The following TMEM217 variants were observed in gnomAD, a reference collection of about 807,000 sequenced individuals.
TMEM217 encodes transmembrane protein 217, also known as chromosome 6 open reading frame 128.
For missense variants in TMEM217, 204 were observed against 248.8 expected, an observed-to-expected ratio of 0.82 and a Z score of 1.21; for synonymous variants, 76 against 88.3, an observed-to-expected ratio of 0.86 and a Z score of 0.78.
downstream of TMEM217, among the ~76,000 whole-genome samples, chr6:37,215,463 G>A (rs1763134177): frequency 6.6e-6 from 1 of 150,874 alleles, no homozygotes; most frequent in South Asian, 2.1e-4. Flanking sequence ...CTACCTGGGA[G>A]GCTGAGGCAG....
At chr6:37,245,482 T>G (rs919889294) in intron 1 of TMEM217, among the ~76,000 whole-genome samples, 1 of 152,252 alleles carries the variant, frequency 6.6e-6, no homozygotes, top group Non-Finnish European at 1.5e-5. Context: ...GTGCATTTTA[T>G]TAGCAGAGCC....
At chr6:37,253,447 C>G (rs1765560924) in intron 1 of TMEM217, among the ~76,000 whole-genome samples, 1 of 152,180 alleles carries the variant, frequency 6.6e-6, no homozygotes, top group Non-Finnish European at 1.5e-5. Flanking sequence ...TCTCTTTATT[C>G]CTATAACCTC....
chr6:37,257,619 T>C, exon 1 of TMEM217: 1 of 425,484 alleles, frequency 2.4e-6, no homozygotes, highest in East Asian at 4.3e-5. Context: ...TCTCGGCTCG[T>C]CCAAGCTCCG....
chr6:37,252,374 G>C (rs912572076), intron 1 of TMEM217, among the ~76,000 whole-genome samples: 37 of 152,084 alleles, frequency 2.4e-4, no homozygotes, highest in African/African-American at 7.7e-4. Flanking sequence ...AGCTGCAAGA[G>C]AGACCATATG....
intron 1 of TMEM217, among the ~76,000 whole-genome samples, chr6:37,241,310 C>T (rs1364072881): frequency 1.6e-4 from 24 of 150,580 alleles, no homozygotes; most frequent in Non-Finnish European, 1.5e-5. Context: ...TACTCTTTGT[C>T]AAAGAAAAAA....
chr6:37,218,643 A>G (rs1562001616), exon 2 of TMEM217: 1 of 1,614,178 alleles, frequency 6.2e-7, no homozygotes, highest in South Asian at 1.1e-5. Context: ...ACCAAGCCAA[A>G]CCAGCGCATG....
downstream of TMEM217, chr6:37,212,966 T>G (rs1176437244): frequency 1.9e-6 from 3 of 1,548,456 alleles, no homozygotes; most frequent in African/African-American, 4.1e-5. Flanking sequence ...ATCCTGACAT[T>G]CATTTTATAC....
chr6:37,225,216 A>T (rs1468654381), intron 1 of TMEM217, among the ~76,000 whole-genome samples: 1 of 152,056 alleles, frequency 6.6e-6, no homozygotes, highest in East Asian at 1.9e-4. Context: ...AGAAAAAAAA[A>T]TTACCAAAAG....
downstream of TMEM217, among the ~76,000 whole-genome samples, chr6:37,215,994 GGT>G (rs60725183): frequency 7.8e-3 from 1,159 of 149,130 alleles, 11 homozygotes; most frequent in East Asian, 0.025. Flanking sequence ...GGTTCTTCAG[GGT>G]GTGTGTGTGT....
intron 1 of TMEM217, among the ~76,000 whole-genome samples, chr6:37,254,820 A>C (rs1444697997): frequency 6.6e-6 from 1 of 152,126 alleles, no homozygotes; most frequent in Non-Finnish European, 1.5e-5. Flanking sequence ...CCTTTTTGGC[A>C]CCTGGGACCA....
intron 1 of TMEM217, among the ~76,000 whole-genome samples, chr6:37,231,733 T>C (rs1185840536): frequency 6.8e-6 from 1 of 147,484 alleles, no homozygotes; most frequent in East Asian, 2.0e-4. Flanking sequence ...ATCTTTTATA[T>C]ATATATTATA....
At chr6:37,213,102 T>G, downstream of TMEM217, 1 of 777,740 alleles carries the variant, frequency 1.3e-6, no homozygotes, top group Non-Finnish European at 2.1e-6. Flanking sequence ...GCAATGATGG[T>G]GTGTGGACAG....
At chr6:37,217,944 AACT>A in exon 2 of TMEM217, 2 of 986,994 alleles carry the variant, frequency 2.0e-6, no homozygotes, top group Non-Finnish European at 2.4e-6. Flanking sequence ...AATATCCTTT[AACT>A]AAATACCCTC....
chr6:37,238,926 T>A (rs1045929498), intron 1 of TMEM217, among the ~76,000 whole-genome samples: 2 of 150,264 alleles, frequency 1.3e-5, no homozygotes, highest in Non-Finnish European at 1.5e-5. Context: ...AAGTCAGGAG[T>A]TCAAGACCAG....
intron 1 of TMEM217, among the ~76,000 whole-genome samples, chr6:37,233,168 C>T (rs984846391): frequency 1.3e-4 from 19 of 149,964 alleles, no homozygotes; most frequent in Non-Finnish European, 2.2e-4. Context: ...CCTACTGTTT[C>T]TCTGGTCTTT....
chr6:37,248,851 A>T (rs1334349282), intron 1 of TMEM217, among the ~76,000 whole-genome samples: 1 of 152,224 alleles, frequency 6.6e-6, no homozygotes, highest in Non-Finnish European at 1.5e-5. Context: ...GGCATAAAAC[A>T]ATAGAAATTT....
At chr6:37,245,779 T>C (rs544536812) in intron 1 of TMEM217, among the ~76,000 whole-genome samples, 6 of 145,090 alleles carry the variant, frequency 4.1e-5, no homozygotes, top group Non-Finnish European at 9.0e-5. Context: ...TCTCATTTTC[T>C]TTTCTTTTCT....
intron 1 of TMEM217, among the ~76,000 whole-genome samples, chr6:37,243,105 C>CA (rs1259080513): frequency 3.3e-5 from 5 of 151,302 alleles, no homozygotes; most frequent in South Asian, 2.1e-4. Flanking sequence ...CCTGCCCCTA[C>CA]AAAAAAAAGA....
chr6:37,239,870 C>G (rs1764676740), intron 1 of TMEM217, among the ~76,000 whole-genome samples: 1 of 147,162 alleles, frequency 6.8e-6, no homozygotes, highest in South Asian at 2.1e-4. Flanking sequence ...GCCTGGGCAA[C>G]ATGGTGAGAC....
Sources: allele counts gnomAD v4.1 joint callset (sites outside exome capture counted in the v4.1 genomes callset), GRCh38; gene constraint gnomAD v4.1.1; transcripts MANE v1.5; gene names NCBI Gene and HGNC (gene_info 2026-07-23, HGNC 2026-07-21).